The following GALNT13 variants were observed in gnomAD, a reference collection of about 807,000 sequenced individuals.
The protein encoded by GALNT13 is polypeptide N-acetylgalactosaminyltransferase 13, also known as UDP-GalNAc:polypeptide N-acetylgalactosaminyltransferase 13.
In GALNT13, 28 loss-of-function variants were observed where a neutral mutation model predicts 64.2. That is an observed-to-expected ratio of 0.44 (90% CI 0.32 to 0.60). GALNT13 has a LOEUF of 0.60. GALNT13 is among the 20% of genes least tolerant of loss of function. The probability of loss-of-function intolerance (pLI) is 0.05; values close to 1 mark genes in which losing one functional copy is unlikely to be tolerated. For synonymous variants in GALNT13, 214 were observed against 224.6 expected (o/e 0.95, Z 0.42); for missense variants, 577 against 669.8 (o/e 0.86, Z 1.53).
intron 9 of GALNT13, among the ~76,000 whole-genome samples, chr2:154,328,482 T>C (rs184945947): frequency 1.3e-5 from 2 of 152,240 alleles, no homozygotes; most frequent in Admixed American, 1.3e-4. Flanking sequence ...TTGTAAATGA[T>C]GCTGCTGTGA....
chr2:153,874,434 C>T (rs944044285), intron 1 of GALNT13, among the ~76,000 whole-genome samples: 4 of 151,858 alleles, frequency 2.6e-5, no homozygotes, highest in East Asian at 1.9e-4. Context: ...CACTGTGTCT[C>T]GGATCCGCTT....
chr2:153,749,579 A>G, the GALNT13 span, among the ~76,000 whole-genome samples: 1 of 151,930 alleles, frequency 6.6e-6, no homozygotes, highest in Non-Finnish European at 1.5e-5. Flanking sequence ...ATTGCTAGGT[A>G]TTTAACTTTA....
intron 9 of GALNT13, among the ~76,000 whole-genome samples, chr2:154,361,321 T>A (rs549671371): frequency 6.6e-6 from 1 of 152,234 alleles, no homozygotes; most frequent in South Asian, 2.1e-4. Context: ...CCTAAATTAG[T>A]CTCTAGCTCC....
chr2:154,188,212 T>C (rs1272317440), intron 4 of GALNT13, among the ~76,000 whole-genome samples: 2 of 152,164 alleles, frequency 1.3e-5, no homozygotes, highest in African/African-American at 2.4e-5. Context: ...GTCAGATGAA[T>C]GCTCTGTAGC....
intron 3 of GALNT13, among the ~76,000 whole-genome samples, chr2:154,071,692 C>T (rs186724023): frequency 1.7e-4 from 26 of 152,180 alleles, no homozygotes; most frequent in Admixed American, 1.4e-3. Flanking sequence ...ATTGTTCAAA[C>T]CACATATTCC....
upstream of GALNT13, among the ~76,000 whole-genome samples, chr2:153,868,294 C>T (rs1685798907): frequency 4.6e-5 from 7 of 152,126 alleles, no homozygotes; most frequent in Admixed American, 4.6e-4. Flanking sequence ...TATTGCAGTG[C>T]TTAGCTCATT....
chr2:153,618,860 A>G, the GALNT13 span, among the ~76,000 whole-genome samples: 7 of 151,870 alleles, frequency 4.6e-5, no homozygotes, highest in East Asian at 3.9e-4. Context: ...TTGGGTTTCA[A>G]TTGGCATGGA....
the GALNT13 span, among the ~76,000 whole-genome samples, chr2:153,108,321 T>TTTATTGTATGCTGTGTATGCTGTGTATA: frequency 6.6e-6 from 1 of 152,162 alleles, no homozygotes; most frequent in Non-Finnish European, 1.5e-5. Context: ...AAATGCTGAA[T>TTTATTGTATGCTGTGTATGCTGTGTATA]TGTATGCTGT....
chr2:154,112,995 A>G (rs72871819), intron 3 of GALNT13, among the ~76,000 whole-genome samples: 10,936 of 152,220 alleles, frequency 0.072, 472 homozygotes, highest in Middle Eastern at 0.14. Context: ...TAATGATGGA[A>G]TGCTGCTGCA....
At chr2:153,308,507 A>G in the GALNT13 span, among the ~76,000 whole-genome samples, 1 of 152,182 alleles carries the variant, frequency 6.6e-6, no homozygotes, top group Non-Finnish European at 1.5e-5. Context: ...GAAACACTAT[A>G]ACAAGCTTCC....
intron 6 of GALNT13, among the ~76,000 whole-genome samples, chr2:154,245,104 A>AAAATAAAT (rs61010587): frequency 0.18 from 24,068 of 137,518 alleles, 2,184 homozygotes; most frequent in Admixed American, 0.21. Context: ...AGGCTCTGTC[A>AAAATAAAT]AAATAAATAA....
At chr2:154,227,910 C>T (rs1007609353) in intron 4 of GALNT13, among the ~76,000 whole-genome samples, 11 of 152,030 alleles carry the variant, frequency 7.2e-5, no homozygotes, top group African/African-American at 2.4e-4. Flanking sequence ...AAACAATAGA[C>T]ATCATTCTAT....
intron 2 of GALNT13, among the ~76,000 whole-genome samples, chr2:153,926,959 A>G (rs997021817): frequency 3.3e-5 from 5 of 152,156 alleles, no homozygotes; most frequent in Middle Eastern, 3.2e-3. Flanking sequence ...CAATGCTTGT[A>G]TATGAATAAG....
chr2:153,381,428 C>G, the GALNT13 span, among the ~76,000 whole-genome samples: 1 of 151,998 alleles, frequency 6.6e-6, no homozygotes, highest in South Asian at 2.1e-4. Flanking sequence ...GAATATTTAC[C>G]CCAGAATTCT....
In GALNT13 at chr2:154,449,472, G is replaced by T. The variant is rs1049922067; in HGVS notation, c.1531-939G>T. The stretch of plus-strand genomic sequence containing the variant: ...AAAAATTTCTTTGCCTTTAATTTTG[G>T]TAATTTGCAAAAAAAAAAGTATCTA... On this transcript the variant is annotated intron_variant, in intron 12 of 12. Transcript: ENST00000392825. Among the ~76,000 whole-genome samples, 39 of 128,310 alleles carry T rather than the reference G, an allele frequency of 3.0e-4. No individual in the cohort carries two copies. The South Asian group carries it at 8.5e-3, about 28-fold the overall frequency. 84.2% of individuals were successfully genotyped at this position (128,310 alleles called of 152,430 possible).
the GALNT13 span, among the ~76,000 whole-genome samples, chr2:153,748,096 A>G: frequency 1.3e-5 from 2 of 152,270 alleles, no homozygotes; most frequent in African/African-American, 2.4e-5. Flanking sequence ...ATTAAAAGTA[A>G]TGGCAATTTA....
the GALNT13 span, among the ~76,000 whole-genome samples, chr2:153,598,317 T>TGGAAAGGC: frequency 6.6e-6 from 1 of 152,102 alleles, no homozygotes; most frequent in Non-Finnish European, 1.5e-5. Context: ...GGCAGCAAGT[T>TGGAAAGGC]CTTTCCTGCC....
intron 3 of GALNT13, among the ~76,000 whole-genome samples, chr2:154,132,836 A>G (rs940976650): frequency 8.6e-5 from 13 of 151,050 alleles, no homozygotes; most frequent in African/African-American, 3.2e-4. Context: ...CAGAGCTTGC[A>G]GTGGGCCAAG....
At chr2:154,366,662 C>G (rs1006948546) in intron 9 of GALNT13, among the ~76,000 whole-genome samples, 5 of 152,080 alleles carry the variant, frequency 3.3e-5, no homozygotes, top group Non-Finnish European at 7.4e-5. Flanking sequence ...CAGATGAGAA[C>G]TAAGGTTATA....
Sources: gnomAD v4.1 joint callset for allele counts (sites outside exome capture counted in the v4.1 genomes callset) on GRCh38, gnomAD v4.1.1 for gene constraint, MANE v1.5 for transcripts, NCBI Gene and HGNC (gene_info 2026-07-23, HGNC 2026-07-21) for gene names.